Variants in TMEM181 observed in about 807,000 individuals in gnomAD.
TMEM181 encodes the protein transmembrane protein 181, also known as G protein-coupled receptor 178.
A neutral mutation model predicts 71.9 loss-of-function variants in TMEM181; 39 were observed. The observed-to-expected ratio is 0.54, with a 90% CI of 0.42 to 0.71. The LOEUF (loss-of-function observed/expected upper bound fraction) is 0.71. TMEM181 is among the 30% of genes least tolerant of loss of function. The probability of loss-of-function intolerance (pLI) is 0.00; values close to 1 mark genes in which losing one functional copy is unlikely to be tolerated. For missense variants in TMEM181, 595 were observed against 583.0 expected, an observed-to-expected ratio of 1.02 and a Z score of -0.21; for synonymous variants, 245 against 228.8, an observed-to-expected ratio of 1.07 and a Z score of -0.64.
At chr6:158,606,401 G>A (rs1784962899) in intron 7 of TMEM181, among the ~76,000 whole-genome samples, 1 of 152,222 alleles carries the variant, frequency 6.6e-6, no homozygotes, top group Non-Finnish European at 1.5e-5. Context: ...TTGTGTCTGG[G>A]CAGCCAGAAA....
At chr6:158,617,882 A>G (rs1410509788) in intron 10 of TMEM181, among the ~76,000 whole-genome samples, 1 of 152,174 alleles carries the variant, frequency 6.6e-6, no homozygotes. Flanking sequence ...TTTGCTGAGG[A>G]GTGCTTTACT....
intron 2 of TMEM181, among the ~76,000 whole-genome samples, chr6:158,575,868 A>G (rs1783125298): frequency 6.6e-6 from 1 of 152,198 alleles, no homozygotes; most frequent in Admixed American, 6.5e-5. Context: ...GGGCATGGTC[A>G]CTGAGGCAGC....
intron 10 of TMEM181, among the ~76,000 whole-genome samples, chr6:158,619,176 G>A (rs1204887201): frequency 1.3e-5 from 2 of 152,120 alleles, no homozygotes; most frequent in Non-Finnish European, 2.9e-5. Context: ...ATATTTCTTG[G>A]AGGCTTTGTT....
At position 158,536,763 on chromosome 6, in the gene TMEM181, C is replaced by T. The variant is rs768347670; in HGVS notation, c.29C>T (p.Pro10Leu). The change falls in exon 1 of 17, where the codon CCC (proline) becomes CTC (leucine). Residue 10 changes from proline (P) to leucine (L), a missense_variant. Coordinates refer to the TMEM181 transcript ENST00000367090. Reference sequence around the variant, plus strand: ...GACGCCGAGTACCCTGCCTTTGAGCCCCCGCTCTGCAGCGAGCTCAAGCAC... The same window carrying T: ...GACGCCGAGTACCCTGCCTTTGAGCTCCCGCTCTGCAGCGAGCTCAAGCAC... The T allele has an allele frequency of 7.6e-6, 12 of 1,576,422 alleles. No homozygotes were observed. The African/African-American group carries it at 9.7e-5, about 13-fold the overall frequency.
At chr6:158,610,290 A>G in intron 10 of TMEM181, 1 of 289,234 alleles carries the variant, frequency 3.5e-6, no homozygotes. Flanking sequence ...ATGGAAAATG[A>G]GGGTGACAGC....
chr6:158,549,739 G>T (rs959473249), intron 1 of TMEM181, among the ~76,000 whole-genome samples: 6 of 152,188 alleles, frequency 3.9e-5, no homozygotes, highest in Non-Finnish European at 7.3e-5. Context: ...TGGCTACAAG[G>T]ATCAATAACA....
intron 10 of TMEM181, among the ~76,000 whole-genome samples, chr6:158,619,111 C>A (rs1047579503): frequency 3.3e-5 from 5 of 152,228 alleles, no homozygotes; most frequent in Admixed American, 3.3e-4. Flanking sequence ...TCCATTCTCT[C>A]TGTCACTTTC....
At chr6:158,628,538 T>C (rs1452874386) in intron 14 of TMEM181, 48 bp downstream of exon 14, 4 of 1,548,868 alleles carry the variant, frequency 2.6e-6, no homozygotes, top group African/African-American at 1.4e-5. Flanking sequence ...CTGCTTAGCA[T>C]TGCAGCAGTT....
chr6:158,614,071 ATAT>A (rs1258385253), intron 10 of TMEM181, among the ~76,000 whole-genome samples: 4 of 152,228 alleles, frequency 2.6e-5, no homozygotes, highest in Admixed American at 2.6e-4. Flanking sequence ...ACATATGTTA[ATAT>A]TATTCCCTCA....
chr6:158,560,616 G>C (rs1782105809), intron 1 of TMEM181, among the ~76,000 whole-genome samples: 1 of 152,112 alleles, frequency 6.6e-6, no homozygotes, highest in Non-Finnish European at 1.5e-5. Context: ...AGCCTCTCCT[G>C]CCGGAAAGGC....
chr6:158,616,294 T>C (rs1785609789), intron 10 of TMEM181, among the ~76,000 whole-genome samples: 1 of 152,194 alleles, frequency 6.6e-6, no homozygotes, highest in Admixed American at 6.5e-5. Context: ...TTGTCTGTTA[T>C]TGGTGTATAG....
chr6:158,597,852 C>G (rs1020611408), intron 6 of TMEM181, among the ~76,000 whole-genome samples: 5 of 152,086 alleles, frequency 3.3e-5, no homozygotes, highest in African/African-American at 1.2e-4. Context: ...GGGGCAGAGT[C>G]CTTATGACTT....
At chr6:158,586,255 G>C (rs935220267) in intron 5 of TMEM181, among the ~76,000 whole-genome samples, 1 of 152,200 alleles carries the variant, frequency 6.6e-6, no homozygotes, top group Non-Finnish European at 1.5e-5. Context: ...CTAGAGCGAG[G>C]AGTCCACCTC....
At chr6:158,631,576 GCTGGCTAC>G (rs1176599364) in intron 16 of TMEM181, among the ~76,000 whole-genome samples, 187 bp downstream of exon 16, 6 of 152,314 alleles carry the variant, frequency 3.9e-5, no homozygotes, top group African/African-American at 1.2e-4. Flanking sequence ...AGTCCTTTCT[GCTGGCTAC>G]CTGTAGGGCG....
chr6:158,554,065 C>A (rs532431743), intron 1 of TMEM181, among the ~76,000 whole-genome samples: 21 of 151,938 alleles, frequency 1.4e-4, no homozygotes, highest in Non-Finnish European at 2.5e-4. Context: ...AGCCACCACG[C>A]CTGGCTAATT....
chr6:158,608,331 A>G lies in TMEM181; in HGVS notation c.674-2A>G, dbSNP rs1554227935. On this transcript the variant is annotated splice_acceptor_variant, in intron 8 of 16. Transcript: ENST00000684151. LOFTEE classifies it high-confidence loss of function. ...CATGGATTTCTGCCCTTTGTGTTCCAGATCCGTTCTTCCCCCTCTCCTTCC... is the reference window on the plus strand; with the variant it reads ...CATGGATTTCTGCCCTTTGTGTTCCGGATCCGTTCTTCCCCCTCTCCTTCC... 1 of 1,614,176 alleles carries G rather than the reference A, an allele frequency of 6.2e-7. No homozygotes were observed. The highest frequency in any genetic ancestry group is 8.5e-7 in the Non-Finnish European group (1 of 1,180,008).
At chr6:158,608,636 A>G in intron 9 of TMEM181, 23 bp from the exon 10 acceptor site, 1 of 1,600,350 alleles carries the variant, frequency 6.2e-7, no homozygotes, top group East Asian at 2.2e-5. Context: ...TTTATTTCTT[A>G]CTTCTTATTT....
chr6:158,558,540 C>T (rs149747943), upstream of TMEM181, among the ~76,000 whole-genome samples: 84 of 152,308 alleles, frequency 5.5e-4, 3 homozygotes, highest in African/African-American at 1.9e-3. Flanking sequence ...GACAGCTTAA[C>T]TGGTTACAGG....
intron 10 of TMEM181, chr6:158,610,964 C>T (rs1188410640): frequency 2.3e-6 from 1 of 435,984 alleles, no homozygotes; most frequent in Non-Finnish European, 4.5e-6. Flanking sequence ...CCGTGGAGAT[C>T]TCCAGATCAG....
Sources: gnomAD v4.1 joint callset for allele counts (sites outside exome capture counted in the v4.1 genomes callset) on GRCh38, gnomAD v4.1.1 for gene constraint, MANE v1.5 for transcripts, NCBI Gene and HGNC (gene_info 2026-07-23, HGNC 2026-07-21) for gene names.